Variants in MYH4 observed in about 807,000 individuals in gnomAD.
MYH4 encodes the protein myosin heavy chain 4, also known as myosin-4.
Under a neutral mutation model 229.9 loss-of-function variants are expected in MYH4, and 200 were observed. That is an observed-to-expected ratio of 0.87 (90% CI 0.78 to 0.98). MYH4 has a LOEUF of 0.98. MYH4 is among the 50% of genes least tolerant of loss of function. The pLI is 0.00. For synonymous variants in MYH4, 761 were observed against 834.6 expected, an observed-to-expected ratio of 0.91 and a Z score of 1.52; for missense variants, 2,148 against 2,332.6, an observed-to-expected ratio of 0.92 and a Z score of 1.63.
intron 14 of MYH4, among the ~76,000 whole-genome samples, chr17:10,459,666 C>T (rs568157308): frequency 1.3e-5 from 2 of 152,074 alleles, no homozygotes; most frequent in African/African-American, 4.8e-5. Context: ...TGAAATATTT[C>T]CTTAGAGTAA....
chr17:10,456,425 G>A, intron 17 of MYH4, 60 bp downstream of exon 17: 2 of 1,416,244 alleles, frequency 1.4e-6, no homozygotes, highest in Non-Finnish European at 2.0e-6. Flanking sequence ...AAAATTTTCT[G>A]TTTTGATGGT....
In MYH4 at chr17:10,466,349, A is replaced by C; in HGVS notation, c.272T>G (p.Met91Arg). 2 of 1,614,186 alleles carry C rather than the reference A, an allele frequency of 1.2e-6. No individual in the cohort carries two copies. The highest frequency in any genetic ancestry group is 1.7e-6 in the Non-Finnish European group (2 of 1,180,016). ...CTCATGCAGGTGAGTCATCATGGCC[A>C]TGTCCTCGATCTTGTCATATTTGGG... ...NPPKYDKIED[M>R]AMMTHLHEPA... Residue 91 changes from methionine to arginine, a missense_variant, in exon 4 of 40, where the codon ATG (methionine) becomes AGG (arginine). Coordinates refer to ENST00000255381, the MANE Select transcript of MYH4 (RefSeq NM_017533.2).
Position 10,466,266 on chromosome 17 carries a change from T to C in MYH4, c.348+7A>G. On this transcript the variant is annotated splice_region_variant and intron_variant, in intron 4 of 39. Transcript: ENST00000255381. ...TGAGTGAGAAATAGCGTTGAAAGGG[T>C]GCTCACGTAGATCATCCAGGCTGCG... 3.7e-6 allele frequency: 6 copies of C among 1,613,316 alleles called. No homozygotes were observed. Among genetic ancestry groups the C allele is most frequent in the Non-Finnish European group, 5.1e-6 (6 of 1,179,698 alleles).
rs2072722363 is a variant in MYH4, at chr17:10,463,333, C to T, written c.805+5G>A. The T allele has an allele frequency of 6.2e-7, 1 of 1,604,894 alleles. No homozygotes were observed. Among genetic ancestry groups the T allele is most frequent in the Middle Eastern group, 1.7e-4 (1 of 6,020 alleles). On this transcript the variant is annotated splice_donor_5th_base_variant and intron_variant, in intron 9 of 39. Transcript: ENST00000255381. Reference sequence around the variant, plus strand: ...ATTCTCAATCACTAATATTTATTAACTTACATGTTTCAATATCTGCAGAAG... The same window carrying T: ...ATTCTCAATCACTAATATTTATTAATTTACATGTTTCAATATCTGCAGAAG...
At chr17:10,453,505 G>T (rs2072601564) in intron 23 of MYH4, 138 bp downstream of exon 23, 1 of 1,547,256 alleles carries the variant, frequency 6.5e-7, no homozygotes, top group Non-Finnish European at 8.8e-7. Flanking sequence ...AGTACATTGA[G>T]GTGGTGAAGA....
chr17:10,448,219 A>G, intron 33 of MYH4, 93 bp from the exon 34 acceptor site: 1 of 1,348,052 alleles, frequency 7.4e-7, no homozygotes, highest in Non-Finnish European at 1.0e-6. Context: ...TAAAAAACCC[A>G]TAAACTATCA....
At chr17:10,457,308 T>G (rs1048388055) in intron 16 of MYH4, 112 bp downstream of exon 16, 6 of 1,159,654 alleles carry the variant, frequency 5.2e-6, no homozygotes, top group South Asian at 1.7e-5. Context: ...TCATTAGGCA[T>G]GTATTGGCCA....
At position 10,460,993 on chromosome 17, in the gene MYH4, C is replaced by T. The variant is rs1567705282; in HGVS notation, c.1070G>A (p.Gly357Glu). Reference protein sequence around the residue: ...DEKVAIYKLTGAVMHYGNMKF... With the variant: ...DEKVAIYKLTEAVMHYGNMKF... The stretch of plus-strand genomic sequence containing the variant: ...CATGTTCCCATAATGCATCACGGCT[C>T]CAGTGAGCTTGTAAATGGCCACCTT... The change falls in exon 12 of 40, where the codon GGA (glycine) becomes GAA (glutamate). Residue 357 changes from glycine to glutamate, a missense_variant. By Grantham distance (98) the Gly-to-Glu change is moderately conservative. Transcript: ENST00000255381. 6.2e-7 allele frequency: 1 copy of T among 1,614,036 alleles called. No homozygotes were observed. The highest frequency in any genetic ancestry group is 1.7e-5 in the Admixed American group (1 of 60,020).
chr17:10,453,982 G>T lies in MYH4; in HGVS notation c.2692-97C>A. ...TGGAAATTTCAGTGACTACCTGTTT[G>T]GTCAACATGTATACCAGTTGCTAAC... On this transcript the variant is annotated intron_variant, in intron 22 of 39. Transcript: ENST00000255381. 2.0e-6 allele frequency: 3 copies of T among 1,494,572 alleles called. No homozygotes were observed. In the East Asian group the frequency reaches 6.8e-5, roughly 34 times the overall value. The allele number at this position is 1,494,572 out of a possible 1,614,324, so 92.6% of individuals were successfully genotyped here.
chr17:10,463,519 A>G, intron 8 of MYH4, 32 bp downstream of exon 8: 2 of 1,592,720 alleles, frequency 1.3e-6, no homozygotes, highest in Non-Finnish European at 1.7e-6. Flanking sequence ...ATCAGTGCTG[A>G]TCCTCAAGAA....
intron 33 of MYH4, 104 bp from the exon 34 acceptor site, chr17:10,448,230 T>C: frequency 1.5e-6 from 2 of 1,314,092 alleles, no homozygotes; most frequent in Non-Finnish European, 2.1e-6. Context: ...TAAACTATCA[T>C]ACGTCTTAAT....
chr17:10,451,790 G>A, intron 27 of MYH4, 151 bp downstream of exon 27: 1 of 992,928 alleles, frequency 1.0e-6, no homozygotes, highest in Non-Finnish European at 1.4e-6. Context: ...GAGAACTTAA[G>A]TGATTCAATA....
At chr17:10,453,481 G>T (rs1383900432) in intron 23 of MYH4, among the ~76,000 whole-genome samples, 153 bp from the exon 24 acceptor site, 1 of 152,076 alleles carries the variant, frequency 6.6e-6, no homozygotes, top group Admixed American at 6.6e-5. Context: ...AAAATAGGAG[G>T]TAAAGGTCAA....
Position 10,452,030 on chromosome 17 carries a change from C to T in MYH4, c.3649G>A (p.Val1217Ile). 2 of 1,613,840 alleles carry T rather than the reference C, an allele frequency of 1.2e-6. No homozygotes were observed. The highest frequency in any genetic ancestry group is 1.7e-6 in the Non-Finnish European group (2 of 1,179,908). Reference protein sequence around the residue: ...LGEQIDSLQRVKQKLEKEKSE... With the variant: ...LGEQIDSLQRIKQKLEKEKSE... ...TTTTCCTTCTCCAGCTTCTGCTTGA[C>T]CCGCTGAAGGCTGTCAATCTGCTCC... is the stretch of plus-strand genomic sequence containing the variant. The change falls in exon 27 of 40, where the codon GTC becomes ATC. Residue 1217 changes from valine to isoleucine, a missense_variant. Transcript: ENST00000255381.
chr17:10,464,445 C>A, intron 7 of MYH4, 27 bp downstream of exon 7: 1 of 1,586,082 alleles, frequency 6.3e-7, no homozygotes, highest in Admixed American at 1.7e-5. Context: ...ATCTGTTATT[C>A]TGTCCTTAGA....
Position 10,464,487 on chromosome 17 carries a change from G to A in MYH4, c.633C>T (p.Ala211=). The change falls in exon 7 of 40, where the codon GCC becomes GCT. Residue 211 remains alanine, a synonymous_variant. Coordinates refer to ENST00000255381, the MANE Select transcript of MYH4 (RefSeq NM_017533.2). The part of the protein sequence containing the change: ...VTGEKKKEEP[A]SGKMQGTLED... ...TCATGCCCACCTGCATTTTGCCAGAGGCAGGTTCCTCTTTTTTCTTCTCTC... is the reference window on the plus strand; with the variant it reads ...TCATGCCCACCTGCATTTTGCCAGAAGCAGGTTCCTCTTTTTTCTTCTCTC... The A allele has an allele frequency of 6.2e-7, 1 of 1,613,290 alleles. No individual in the cohort carries two copies. Among genetic ancestry groups the A allele is most frequent in the Non-Finnish European group, 8.5e-7 (1 of 1,179,722 alleles).
intron 22 of MYH4, 146 bp from the exon 23 acceptor site, chr17:10,454,031 G>T: frequency 9.1e-7 from 1 of 1,093,964 alleles, no homozygotes; most frequent in Non-Finnish European, 1.3e-6. Context: ...CAGACAAAAT[G>T]TTAATACTGT....
At chr17:10,461,302 A>T (rs1207942729) in intron 11 of MYH4, among the ~76,000 whole-genome samples, 1 of 151,934 alleles carries the variant, frequency 6.6e-6, no homozygotes, top group Non-Finnish European at 1.5e-5. Flanking sequence ...ACTTGTCCAC[A>T]CTCACTGAAC....
chr17:10,468,828 C>T (rs1220753577), intron 2 of MYH4, among the ~76,000 whole-genome samples: 1 of 152,152 alleles, frequency 6.6e-6, no homozygotes, highest in East Asian at 1.9e-4. Flanking sequence ...GACATGAGTC[C>T]TGTTCCGCTA....
Sources: allele counts gnomAD v4.1 joint callset (sites outside exome capture counted in the v4.1 genomes callset), GRCh38; gene constraint gnomAD v4.1.1; transcripts MANE v1.5; gene names NCBI Gene and HGNC (gene_info 2026-07-23, HGNC 2026-07-21).